SLC30A5: variants seen among roughly 807,000 people sequenced by gnomAD.
The protein encoded by SLC30A5 is solute carrier family 30 member 5.
In SLC30A5, 33 loss-of-function variants were observed where a neutral mutation model predicts 79.6. The observed-to-expected ratio is 0.41, with a 90% CI of 0.31 to 0.55. SLC30A5 has a LOEUF of 0.55. SLC30A5 is among the 20% of genes least tolerant of loss of function. The probability of loss-of-function intolerance (pLI) is 0.20; values close to 1 mark genes in which losing one functional copy is unlikely to be tolerated. For synonymous variants in SLC30A5, 299 were observed against 319.7 expected, an observed-to-expected ratio of 0.94 and a Z score of 0.69; for missense variants, 788 against 928.1, an observed-to-expected ratio of 0.85 and a Z score of 1.96.
Position 69,097,109 on chromosome 5 carries a change from CTTTTTT to C in SLC30A5, c.83+2790_83+2795del, listed in dbSNP as rs1228027917. 1.5e-3 allele frequency among the ~76,000 whole-genome samples: 135 copies of C among 87,874 alleles called. 1 individual carries two copies. The highest frequency in any genetic ancestry group is 6.2e-3 in the East Asian group (19 of 3,058). 57.6% of individuals were successfully genotyped at this position (87,874 alleles called of 152,430 possible). On this transcript the variant is annotated intron_variant, in intron 1 of 15. Coordinates refer to ENST00000396591, the MANE Select transcript of SLC30A5 (RefSeq NM_022902.5). ...TTGTTTCTTCCCTTCCTCTCTTTTT[CTTTTTT>C]TTTTTTTTTTTTTTTTTTGAGGCGG...
At chr5:69,120,301 T>C (rs911048946) in intron 12 of SLC30A5, among the ~76,000 whole-genome samples, 10 of 151,928 alleles carry the variant, frequency 6.6e-5, no homozygotes, top group African/African-American at 2.4e-4. Flanking sequence ...GGAGAATTGC[T>C]TGAACCTGGG....
At chr5:69,106,496 C>A (rs1746082341) in intron 4 of SLC30A5, among the ~76,000 whole-genome samples, 1 of 152,154 alleles carries the variant, frequency 6.6e-6, no homozygotes, top group African/African-American at 2.4e-5. Flanking sequence ...ACTACCAACA[C>A]TGCCCTCTCA....
At chr5:69,125,414 T>A (rs951598279) in intron 14 of SLC30A5, among the ~76,000 whole-genome samples, 2 of 151,646 alleles carry the variant, frequency 1.3e-5, no homozygotes, top group African/African-American at 4.9e-5. Flanking sequence ...TAATCCAAGC[T>A]ACTCAGGAGG....
Position 69,121,842 on chromosome 5 carries a change from G to A in SLC30A5, c.1718G>A (p.Gly573Glu). The change falls in exon 13 of 16, where the codon GGG becomes GAG. Residue 573 changes from glycine to glutamate, a missense_variant. Physicochemically the swap from Gly to Glu is moderately conservative, Grantham distance 98. This residue lies in a region of SLC30A5 where 626 missense variants were observed against 755.5 expected (regional missense o/e 0.83). Transcript: ENST00000396591. ...CATATGCATGGACACAGTGACCATG[G>A]GCATGGTCACAGCCACGGATCTGCG... Reference protein sequence around the residue: ...SHHMHGHSDHGHGHSHGSAGG... With the variant: ...SHHMHGHSDHEHGHSHGSAGG... 1 of 1,613,148 alleles carries A rather than the reference G, an allele frequency of 6.2e-7. No homozygotes were observed. Among genetic ancestry groups the A allele is most frequent in the Non-Finnish European group, 8.5e-7 (1 of 1,179,452 alleles).
In SLC30A5 at chr5:69,100,868, G is replaced by C. The variant is rs765849265; in HGVS notation, c.145G>C (p.Glu49Gln). The C allele has an allele frequency of 1.4e-5, 22 of 1,594,242 alleles. No individual in the cohort carries two copies. The highest frequency in any genetic ancestry group is 1.7e-4 in the Middle Eastern group (1 of 5,882). ...ATTTTTGAAGGCTGTGGGACTTTTC[G>C]AATCATATGATCTCCTAAAAGCTGT... is the stretch of plus-strand genomic sequence containing the variant. The part of the protein sequence containing the change: ...TKFLKAVGLF[E>Q]SYDLLKAVHI... Residue 49 changes from glutamate (E) to glutamine (Q), a missense_variant, in exon 2 of 16, where the codon GAA becomes CAA. Coordinates refer to ENST00000396591, the MANE Select transcript of SLC30A5 (RefSeq NM_022902.5).
Position 69,117,971 on chromosome 5 carries a change from C to G in SLC30A5, c.1440-528C>G, listed in dbSNP as rs370415414. Among the ~76,000 whole-genome samples the G allele has an allele frequency of 8.0e-5, 12 of 150,920 alleles. No homozygotes were observed. The South Asian group carries it at 8.3e-4, about 10-fold the overall frequency. ...CGGGCGGATCACAGGGTCAGGAGAT[C>G]GAGACCATCCTGGCTAACACGGTGA... On this transcript the variant is annotated intron_variant, in intron 11 of 15. Transcript: ENST00000396591.
Position 69,129,642 on chromosome 5 carries a change from G to T in SLC30A5, c.*25G>T, listed in dbSNP as rs532973981. 2 of 1,574,650 alleles carry T rather than the reference G, an allele frequency of 1.3e-6. No homozygotes were observed. The highest frequency in any genetic ancestry group is 2.7e-5 in the African/African-American group (2 of 73,688). On this transcript the variant is annotated 3_prime_UTR_variant, in exon 16 of 16. Transcript: ENST00000396591. ...AGATAACTCAAGAATTACCCCTGGA[G>T]AATAAACAATGAAGATTAAATGACT...
At chr5:69,094,564 G>A (rs1013364740) in intron 1 of SLC30A5, among the ~76,000 whole-genome samples, 19 of 152,048 alleles carry the variant, frequency 1.2e-4, no homozygotes, top group Non-Finnish European at 2.1e-4. Flanking sequence ...TGAATTTCTG[G>A]GTTACAAGGC....
chr5:69,104,164 G>T (rs1405944840), intron 3 of SLC30A5: 1 of 1,217,596 alleles, frequency 8.2e-7, no homozygotes, highest in African/African-American at 1.6e-5. Flanking sequence ...TTGAGAAAGA[G>T]TCTTGCTCCA....
At chr5:69,127,155 A>G (rs1468614367) in intron 14 of SLC30A5, among the ~76,000 whole-genome samples, 4 of 152,174 alleles carry the variant, frequency 2.6e-5, no homozygotes, top group Non-Finnish European at 4.4e-5. Context: ...TTGAACATTG[A>G]GGATATCTTT....
Position 69,094,304 on chromosome 5 carries a change from G to A in SLC30A5, c.49G>A (p.Gly17Ser), listed in dbSNP as rs1187786341. The A allele has an allele frequency of 8.0e-7, 1 of 1,256,798 alleles. No individual in the cohort carries two copies. Among genetic ancestry groups the A allele is most frequent in the Non-Finnish European group, 1.0e-6 (1 of 993,974 alleles). The allele number at this position is 1,256,798 out of a possible 1,614,324, so 77.9% of individuals were successfully genotyped here. ...GDVLAGPGGG[G>S]GLGPVDVPSA... ...CGTGCTGGCCGGCCCCGGCGGCGGC[G>A]GCGGCCTTGGGCCGGTGGACGTACC... is the stretch of plus-strand genomic sequence containing the variant. The change falls in exon 1 of 16, where the codon GGC becomes AGC. Residue 17 changes from glycine to serine, a missense_variant. Physicochemically the swap from Gly to Ser is moderately conservative, Grantham distance 56. Transcript: ENST00000396591.
At chr5:69,129,363 G>T in intron 15 of SLC30A5, 84 bp from the exon 16 acceptor site, 1 of 948,614 alleles carries the variant, frequency 1.1e-6, no homozygotes, top group South Asian at 2.4e-5. Flanking sequence ...TACTCAACCC[G>T]TATCAACTAT....
intron 3 of SLC30A5, among the ~76,000 whole-genome samples, chr5:69,103,594 AG>A (rs1745993238): frequency 6.6e-6 from 1 of 152,212 alleles, no homozygotes; most frequent in Admixed American, 6.5e-5. Flanking sequence ...TGTAAAATGG[AG>A]ATAACAGTAA....
intron 4 of SLC30A5, among the ~76,000 whole-genome samples, chr5:69,105,402 A>G (rs1746054459): frequency 6.6e-6 from 1 of 152,162 alleles, no homozygotes; most frequent in Non-Finnish European, 1.5e-5. Context: ...AATGAGAGGT[A>G]AGGAGTGAAA....
Position 69,125,870 on chromosome 5 carries a change from C to CAAAAAAAAAAAAAAA in SLC30A5, c.1999-2122_1999-2108dup, listed in dbSNP as rs532994254. 1.4e-3 allele frequency among the ~76,000 whole-genome samples: 77 copies of CAAAAAAAAAAAAAAA among 54,194 alleles called. 9 individuals carry two copies. The highest frequency in any genetic ancestry group is 5.7e-3 in the African/African-American group (65 of 11,324). 35.6% of individuals were successfully genotyped at this position (54,194 alleles called of 152,430 possible). On this transcript the variant is annotated intron_variant, in intron 14 of 15. Transcript: ENST00000396591. Reference sequence around the variant, plus strand: ...CGGGCCACAGAGCGAGACTCCGTCTCAAAAAAAAAAAAAAAAAAAAAAAAA... The same window carrying CAAAAAAAAAAAAAAA: ...CGGGCCACAGAGCGAGACTCCGTCTCAAAAAAAAAAAAAAAAAAAAAAAAAAAAAAAAAAAAAAAA...
intron 1 of SLC30A5, among the ~76,000 whole-genome samples, chr5:69,097,240 C>T (rs996757595): frequency 3.3e-5 from 5 of 151,598 alleles, no homozygotes; most frequent in South Asian, 4.1e-4. Flanking sequence ...CTCAGCCTCC[C>T]GAGTAGCTGG....
At chr5:69,103,840 C>T in intron 3 of SLC30A5, 1 of 750,166 alleles carries the variant, frequency 1.3e-6, no homozygotes, top group Non-Finnish European at 2.1e-6. Context: ...ACTTACAAAC[C>T]TGCGTCATAA....
At chr5:69,103,016 T>C in intron 2 of SLC30A5, 46 bp from the exon 3 acceptor site, 2 of 971,006 alleles carry the variant, frequency 2.1e-6, no homozygotes, top group Non-Finnish European at 3.2e-6. Flanking sequence ...GTATCTTGTG[T>C]TTAATATGGA....
intron 11 of SLC30A5, among the ~76,000 whole-genome samples, chr5:69,117,876 CAAAA>C (rs1213773161): frequency 3.1e-5 from 4 of 130,440 alleles, no homozygotes; most frequent in Non-Finnish European, 6.5e-5. Flanking sequence ...GACTATGTCT[CAAAA>C]AAAAAAAAGA....
Sources: gnomAD v4.1 joint callset for allele counts (sites outside exome capture counted in the v4.1 genomes callset) on GRCh38, gnomAD v4.1.1 for gene constraint, gnomAD v4.1.1 regional missense constraint, MANE v1.5 for transcripts, NCBI Gene and HGNC (gene_info 2026-07-23, HGNC 2026-07-21) for gene names.